SYNCRIP: variants seen among roughly 807,000 people sequenced by gnomAD.
SYNCRIP encodes heterogeneous nuclear ribonucleoprotein Q.
Under a neutral mutation model 68.9 loss-of-function variants are expected in SYNCRIP, and 9 were observed. The ratio of observed to expected loss-of-function variants is 0.13; its 90% CI spans 0.08 to 0.23. The LOEUF (loss-of-function observed/expected upper bound fraction) is 0.23. Among genes scored for constraint, SYNCRIP ranks in the 10% least tolerant of loss-of-function variants. SYNCRIP has a pLI of 1.00. For missense variants in SYNCRIP, 414 were observed against 770.6 expected (o/e 0.54, Z 5.48); for synonymous variants, 258 against 254.0 (o/e 1.02, Z -0.15).
At chr6:85,641,482 A>T in intron 1 of SYNCRIP, 31 bp from the exon 2 acceptor site, 1 of 1,586,984 alleles carries the variant, frequency 6.3e-7, no homozygotes, top group Non-Finnish European at 8.6e-7. Flanking sequence ...AAATTAAACT[A>T]GGATCTTCAA....
intron 2 of SYNCRIP, among the ~76,000 whole-genome samples, chr6:85,640,955 C>T (rs946452601): frequency 6.6e-6 from 1 of 152,152 alleles, no homozygotes; most frequent in Non-Finnish European, 1.5e-5. Flanking sequence ...GACAAGAAAA[C>T]AAGTCTACAG....
At chr6:85,642,099 G>C (rs1809236355) in intron 1 of SYNCRIP, among the ~76,000 whole-genome samples, 1 of 152,168 alleles carries the variant, frequency 6.6e-6, no homozygotes, top group Non-Finnish European at 1.5e-5. Context: ...GACCATCACT[G>C]GTTCCCAACA....
At chr6:85,620,879 T>A (rs1027744141) in intron 8 of SYNCRIP, among the ~76,000 whole-genome samples, 1 of 152,224 alleles carries the variant, frequency 6.6e-6, no homozygotes, top group African/African-American at 2.4e-5. Flanking sequence ...ATAAAAAAGA[T>A]AATTTTTCCT....
chr6:85,636,906 A>G, intron 6 of SYNCRIP, 61 bp downstream of exon 6: 1 of 1,504,724 alleles, frequency 6.6e-7, no homozygotes, highest in South Asian at 1.3e-5. Context: ...CACACTAAGA[A>G]AAAAACTTGA....
chr6:85,626,447 C>A (rs551236219), intron 6 of SYNCRIP, among the ~76,000 whole-genome samples: 1 of 151,356 alleles, frequency 6.6e-6, no homozygotes, highest in South Asian at 2.1e-4. Flanking sequence ...TTGGGGGTGA[C>A]AGATTTTGGT....
Position 85,614,123 on chromosome 6 carries a change from C to G in SYNCRIP, c.*633G>C. The G allele has an allele frequency of 1.0e-6, 1 of 985,744 alleles. No homozygotes were observed. The highest frequency in any genetic ancestry group is 1.2e-6 in the Non-Finnish European group (1 of 829,924). The allele number at this position is 985,744 out of a possible 1,614,324, so 61.1% of individuals were successfully genotyped here. A position where few individuals can be genotyped will look rare whatever the true frequency, so the allele number is the denominator to read the frequency against. On this transcript the variant is annotated 3_prime_UTR_variant, in exon 11 of 11. Coordinates refer to ENST00000369622, the MANE Select transcript of SYNCRIP (RefSeq NM_006372.5). ...CACAAGAATTAACAAGGCACAAAACCCTTTAATTGGCCTTGACATGCTATA... is the reference window on the plus strand; with the variant it reads ...CACAAGAATTAACAAGGCACAAAACGCTTTAATTGGCCTTGACATGCTATA...
chr6:85,640,672 C>T (rs1408226686), intron 2 of SYNCRIP, 108 bp from the exon 3 acceptor site: 31 of 613,760 alleles, frequency 5.1e-5, no homozygotes, highest in African/African-American at 7.8e-5. Flanking sequence ...TCTTCTACTC[C>T]CCTCATCTAT....
rs779445461 is a variant in SYNCRIP at position 85,640,572 on chromosome 6, A to AATT, written c.149-9_149-8insAAT. 1 of 1,523,246 alleles carries AATT rather than the reference A, an allele frequency of 6.6e-7. No homozygotes were observed. Among genetic ancestry groups the AATT allele is most frequent in the South Asian group, 1.2e-5 (1 of 81,692 alleles). The allele number at this position is 1,523,246 out of a possible 1,614,324, so 94.4% of individuals were successfully genotyped here. A position where few individuals can be genotyped will look rare whatever the true frequency, so the allele number is the denominator to read the frequency against. Reference sequence around the variant, plus strand: ...CACTATGTGCAACTAGCCCTGAAAAAAATAAAAGTTATCAGCTTTTAATAT... The same window carrying AATT: ...CACTATGTGCAACTAGCCCTGAAAAAATTAATAAAAGTTATCAGCTTTTAATAT... On this transcript the variant is annotated splice_polypyrimidine_tract_variant and intron_variant, in intron 2 of 10. Transcript: ENST00000369622.
intron 1 of SYNCRIP, among the ~76,000 whole-genome samples, chr6:85,641,655 C>T (rs1347037323): frequency 6.6e-6 from 1 of 152,124 alleles, no homozygotes; most frequent in Admixed American, 6.5e-5. Context: ...TATTCTTCCT[C>T]AGCACCACCC....
At chr6:85,632,796 T>C (rs1015201973) in intron 6 of SYNCRIP, among the ~76,000 whole-genome samples, 1 of 151,972 alleles carries the variant, frequency 6.6e-6, no homozygotes, top group Non-Finnish European at 1.5e-5. Context: ...AAAATTAGCC[T>C]AGCAAGGTGG....
Position 85,637,408 on chromosome 6 carries a change from T to C in SYNCRIP, c.376-52A>G, listed in dbSNP as rs760093965. On this transcript the variant is annotated intron_variant, in intron 4 of 10. Coordinates refer to ENST00000369622, the MANE Select transcript of SYNCRIP (RefSeq NM_006372.5). ...CATTTAATTCACTAGACCACACCCA[T>C]ATATTTAGCAGTTAACATCCATCTT... The C allele has an allele frequency of 8.6e-6, 10 of 1,157,084 alleles. No individual in the cohort carries two copies. In the East Asian group the frequency reaches 2.4e-4, roughly 27 times the overall value. The allele number at this position is 1,157,084 out of a possible 1,614,324, so 71.7% of individuals were successfully genotyped here. A position where few individuals can be genotyped will look rare whatever the true frequency, so the allele number is the denominator to read the frequency against.
Position 85,629,478 on chromosome 6 carries a change from T to G in SYNCRIP, c.667-5366A>C, listed in dbSNP as rs1410677610. ...CGAAGCAAATGGATCACTGAAGGTTTGGAGTTTGAGACCAGCCTGGTCAAC... is the reference window on the plus strand; with the variant it reads ...CGAAGCAAATGGATCACTGAAGGTTGGGAGTTTGAGACCAGCCTGGTCAAC... On this transcript the variant is annotated intron_variant, in intron 6 of 10. Transcript: ENST00000369622. 8.0e-5 allele frequency among the ~76,000 whole-genome samples: 11 copies of G among 137,436 alleles called. No homozygotes were observed. The Admixed American group carries it at 9.5e-4, about 12-fold the overall frequency. 90.2% of individuals were successfully genotyped at this position (137,436 alleles called of 152,430 possible).
At chr6:85,635,774 CAAAAA>C (rs58599854) in intron 6 of SYNCRIP, among the ~76,000 whole-genome samples, 3 of 78,908 alleles carry the variant, frequency 3.8e-5, no homozygotes, top group African/African-American at 9.5e-5. Context: ...TTCTATCTCC[CAAAAA>C]AAAAAAAAAA....
chr6:85,632,668 G>A (rs548822590), intron 6 of SYNCRIP, among the ~76,000 whole-genome samples: 69 of 152,300 alleles, frequency 4.5e-4, no homozygotes, highest in Non-Finnish European at 5.0e-4. Context: ...ATGGCCAGGC[G>A]CAGTGGCTCA....
At chr6:85,628,222 A>AT (rs1180451273) in intron 6 of SYNCRIP, among the ~76,000 whole-genome samples, 1 of 151,926 alleles carries the variant, frequency 6.6e-6, no homozygotes, top group African/African-American at 2.4e-5. Context: ...CACCCGGCTA[A>AT]TTTTTGTATT....
chr6:85,628,218 G>A (rs923142918), intron 6 of SYNCRIP, among the ~76,000 whole-genome samples: 2 of 152,104 alleles, frequency 1.3e-5, no homozygotes, highest in Non-Finnish European at 2.9e-5. Flanking sequence ...ACCACACCCG[G>A]CTAATTTTTG....
chr6:85,614,036 C>CT lies in SYNCRIP; in HGVS notation c.*719dup, dbSNP rs892973096. The stretch of plus-strand genomic sequence containing the variant: ...ACATGAAGTCTGTTGTAAAATAGCA[C>CT]TTTAAACCAGAAGCAGAAAACTGCA... On this transcript the variant is annotated 3_prime_UTR_variant, in exon 11 of 11. Coordinates refer to ENST00000369622, the MANE Select transcript of SYNCRIP (RefSeq NM_006372.5). The CT allele has an allele frequency of 1.9e-5, 19 of 985,548 alleles. 1 individual carries two copies. The African/African-American group carries it at 3.1e-4, about 16-fold the overall frequency. 61.1% of individuals were successfully genotyped at this position (985,548 alleles called of 1,614,324 possible). A position where few individuals can be genotyped will look rare whatever the true frequency, so the allele number is the denominator to read the frequency against.
intron 6 of SYNCRIP, among the ~76,000 whole-genome samples, chr6:85,630,556 CCTT>C (rs1454342916): frequency 6.6e-6 from 1 of 152,292 alleles, no homozygotes; most frequent in East Asian, 1.9e-4. Flanking sequence ...ACCTGCCTGC[CCTT>C]CTTCATGGTC....
At chr6:85,635,146 C>CA (rs1054721887) in intron 6 of SYNCRIP, among the ~76,000 whole-genome samples, 9 of 152,160 alleles carry the variant, frequency 5.9e-5, no homozygotes, top group Admixed American at 2.6e-4. Flanking sequence ...GCGTGGGTGA[C>CA]AGAGACTTTG....
Sources: allele counts gnomAD v4.1 joint callset (sites outside exome capture counted in the v4.1 genomes callset), GRCh38; gene constraint gnomAD v4.1.1; transcripts MANE v1.5; gene names NCBI Gene and HGNC (gene_info 2026-07-23, HGNC 2026-07-21).